The following PDXDC1 variants were observed in gnomAD, a reference collection of about 807,000 sequenced individuals.
The protein encoded by PDXDC1 is pyridoxal-dependent decarboxylase domain-containing protein 1.
In PDXDC1, 42 loss-of-function variants were observed where a neutral mutation model predicts 100.1. That is an observed-to-expected ratio of 0.42 (90% CI 0.33 to 0.54). The LOEUF (loss-of-function observed/expected upper bound fraction) is 0.54, where lower values mean the gene tolerates loss of function less well. Ranked by LOEUF, PDXDC1 falls within the 20% of genes least tolerant of loss-of-function variation. The pLI is 0.10. For missense variants in PDXDC1, 636 were observed against 979.2 expected (o/e 0.65, Z 4.68); for synonymous variants, 260 against 371.7 (o/e 0.70, Z 3.46).
intron 16 of PDXDC1, chr16:15,109,311 G>C (rs1275896326): frequency 6.9e-6 from 1 of 145,766 alleles, no homozygotes; most frequent in Non-Finnish European, 1.5e-5. Flanking sequence ...GATCACCTGA[G>C]GTCAGGAGTT....
chr16:15,062,309 T>C (rs2044747307), intron 16 of PDXDC1, among the ~76,000 whole-genome samples: 1 of 152,242 alleles, frequency 6.6e-6, no homozygotes, highest in South Asian at 2.1e-4. Context: ...GAGTCATTCT[T>C]GCCCAGTGTT....
At position 15,031,650 on chromosome 16, in the gene PDXDC1, C is replaced by T. The variant is rs1457905651; in HGVS notation, c.1400-85C>T. 5 of 1,219,980 alleles carry T rather than the reference C, an allele frequency of 4.1e-6. No individual in the cohort carries two copies. The East Asian group carries it at 7.1e-5, about 17-fold the overall frequency. 75.6% of individuals were successfully genotyped at this position (1,219,980 alleles called of 1,614,324 possible). A position where few individuals can be genotyped will look rare whatever the true frequency, so the allele number is the denominator to read the frequency against. On this transcript the variant is annotated intron_variant, in intron 16 of 22. Transcript: ENST00000396410. Reference sequence around the variant, plus strand: ...TAACTGGAGTACCTCGAGCTTTTGACCTTCCCAGTAGTGGAAGAGGGAGCC... The same window carrying T: ...TAACTGGAGTACCTCGAGCTTTTGATCTTCCCAGTAGTGGAAGAGGGAGCC...
downstream of PDXDC1, chr16:15,038,562 G>A (rs763475589): frequency 2.1e-6 from 3 of 1,430,534 alleles, no homozygotes; most frequent in Admixed American, 3.5e-5. Flanking sequence ...TACCCAGCCT[G>A]TAAACTCTCA....
At chr16:15,122,628 C>T (rs1236616867) in intron 16 of PDXDC1, among the ~76,000 whole-genome samples, 2 of 150,064 alleles carry the variant, frequency 1.3e-5, no homozygotes, top group Admixed American at 1.3e-4. Flanking sequence ...AGCCACAGCA[C>T]CCATCTACTC....
rs1215481679 is a variant in PDXDC1 at position 15,066,818 on chromosome 16, C to T, written c.1399+36762C>T. Reference sequence around the variant, plus strand: ...ACAGAATGGTACACGCCTTTATTTACCATATCTGTACCTAGGCAGAGACTT... The same window carrying T: ...ACAGAATGGTACACGCCTTTATTTATCATATCTGTACCTAGGCAGAGACTT... On this transcript the variant is annotated intron_variant, in intron 16 of 16. Transcript: ENST00000535621. Among the ~76,000 whole-genome samples, 3 of 151,590 alleles carry T rather than the reference C, an allele frequency of 2.0e-5. No homozygotes were observed. In the East Asian group the frequency reaches 5.8e-4, roughly 29 times the overall value.
At chr16:15,093,370 A>C (rs998826995) in intron 16 of PDXDC1, among the ~76,000 whole-genome samples, 1 of 152,132 alleles carries the variant, frequency 6.6e-6, no homozygotes. Flanking sequence ...AAATCTCAAA[A>C]GCTCCTTCTC....
At chr16:15,008,505 G>C (rs2040976091) in intron 6 of PDXDC1, among the ~76,000 whole-genome samples, 1 of 152,154 alleles carries the variant, frequency 6.6e-6, no homozygotes, top group South Asian at 2.1e-4. Context: ...AAGTGTTTCT[G>C]GTATATTCTA....
At chr16:15,098,545 T>C (rs1223265365) in intron 16 of PDXDC1, among the ~76,000 whole-genome samples, 1 of 152,042 alleles carries the variant, frequency 6.6e-6, no homozygotes, top group East Asian at 1.9e-4. Flanking sequence ...GGATCCTCCC[T>C]ACCTTTCAGC....
intron 16 of PDXDC1, among the ~76,000 whole-genome samples, chr16:15,129,465 G>C (rs1475938733): frequency 2.0e-5 from 3 of 152,204 alleles, no homozygotes; most frequent in East Asian, 3.9e-4. Context: ...AAAACAAAAA[G>C]GGAATGCCAG....
chr16:14,990,815 G>T (rs1171606756), intron 1 of PDXDC1, among the ~76,000 whole-genome samples: 2 of 152,264 alleles, frequency 1.3e-5, no homozygotes, highest in Admixed American at 1.3e-4. Context: ...ATTTCAGCTC[G>T]CTGCAGCCTC....
rs2048263839 is a variant in PDXDC1 at position 15,134,629 on chromosome 16, G to A, written c.1400-4250G>A. On this transcript the variant is annotated intron_variant, in intron 16 of 16. Coordinates refer to the PDXDC1 transcript ENST00000535621. Reference sequence around the variant, plus strand: ...CAATGCTCACTGAGGGCCCCTGGGGGGATGCGTGTGGGAACAGACGTATGT... The same window carrying A: ...CAATGCTCACTGAGGGCCCCTGGGGAGATGCGTGTGGGAACAGACGTATGT... 4.8e-5 allele frequency among the ~76,000 whole-genome samples: 2 copies of A among 42,040 alleles called. 1 individual carries two copies. Among genetic ancestry groups the A allele is most frequent in the African/African-American group, 1.0e-4 (2 of 19,246 alleles). 27.6% of individuals were successfully genotyped at this position (42,040 alleles called of 152,430 possible). A position where few individuals can be genotyped will look rare whatever the true frequency, so the allele number is the denominator to read the frequency against.
chr16:15,033,142 C>A, intron 18 of PDXDC1, 136 bp from the exon 19 acceptor site: 1 of 1,078,844 alleles, frequency 9.3e-7, no homozygotes, highest in Non-Finnish European at 1.4e-6. Context: ...CCTTGCCAGG[C>A]CTTTCTCTCC....
intron 16 of PDXDC1, chr16:15,085,675 C>G: frequency 6.2e-7 from 1 of 1,613,548 alleles, no homozygotes; most frequent in South Asian, 1.1e-5. Context: ...ACATCTACAT[C>G]GCCTTCCTTA....
chr16:15,030,339 G>A (rs1355344571), intron 16 of PDXDC1, among the ~76,000 whole-genome samples: 1 of 152,188 alleles, frequency 6.6e-6, no homozygotes, highest in African/African-American at 2.4e-5. Flanking sequence ...GAGGTCAGGA[G>A]TTCGAGACCA....
chr16:15,020,534 C>T (rs2042111729), intron 12 of PDXDC1, among the ~76,000 whole-genome samples: 1 of 152,174 alleles, frequency 6.6e-6, no homozygotes, highest in South Asian at 2.1e-4. Context: ...AATAAAAATA[C>T]AAAAATTAGC....
intron 16 of PDXDC1, chr16:15,055,675 TC>T (rs1314715303): frequency 2.7e-6 from 1 of 366,680 alleles, no homozygotes; most frequent in African/African-American, 2.1e-5. Context: ...CCCCGTCCCC[TC>T]CCTTGTCAGA....
chr16:15,072,403 G>C (rs1348415285), intron 16 of PDXDC1, among the ~76,000 whole-genome samples: 1 of 152,134 alleles, frequency 6.6e-6, no homozygotes, highest in Admixed American at 6.5e-5. Context: ...ATAGAGAAAG[G>C]CTTAAGGGAA....
intron 1 of PDXDC1, among the ~76,000 whole-genome samples, chr16:14,985,835 A>G (rs1313417840): frequency 1.3e-5 from 2 of 152,292 alleles, no homozygotes; most frequent in Non-Finnish European, 2.9e-5. Context: ...TGTGGCCCAC[A>G]TTTCTAATCT....
rs79691584 is a variant in PDXDC1, at chr16:15,036,240, C to T, written c.2332C>T (p.His778Tyr). Residue 778 changes from histidine to tyrosine, a missense_variant, in exon 23 of 23, where the codon CAC (histidine) becomes TAC (tyrosine). Transcript: ENST00000396410. Reference protein sequence around the residue: ...QKGVPHPEDDHSQVEGPESLR With the variant: ...QKGVPHPEDDYSQVEGPESLR ...AGGGGTCCCACACCCAGAAGATGAC[C>T]ACTCACAGGTAGAAGGACCGGAGAG... 2.5e-6 allele frequency: 4 copies of T among 1,614,008 alleles called. No individual in the cohort carries two copies. The Admixed American group carries it at 6.7e-5, about 27-fold the overall frequency.
Sources: gnomAD v4.1 joint callset for allele counts (sites outside exome capture counted in the v4.1 genomes callset) on GRCh38, gnomAD v4.1.1 for gene constraint, MANE v1.5 for transcripts, NCBI Gene and HGNC (gene_info 2026-07-23, HGNC 2026-07-21) for gene names.